Variants in TSHZ3 observed in about 807,000 individuals in gnomAD.
TSHZ3 encodes teashirt homolog 3.
TSHZ3 carries 10 observed loss-of-function variants against 64.5 expected under a neutral mutation model. That is an observed-to-expected ratio of 0.16 (90% CI 0.10 to 0.26). The LOEUF (loss-of-function observed/expected upper bound fraction) is 0.26, where lower values mean the gene tolerates loss of function less well. Ranked by LOEUF, TSHZ3 falls within the 10% of genes least tolerant of loss-of-function variation. TSHZ3 has a pLI of 1.00. For synonymous variants in TSHZ3, 608 were observed against 593.1 expected, an observed-to-expected ratio of 1.03 and a Z score of -0.36; for missense variants, 1,242 against 1,421.7, an observed-to-expected ratio of 0.87 and a Z score of 2.03.
intron 1 of TSHZ3, among the ~76,000 whole-genome samples, chr19:31,285,579 T>C (rs1219562181): frequency 6.7e-6 from 1 of 149,864 alleles, no homozygotes; most frequent in Non-Finnish European, 1.5e-5. Flanking sequence ...GCTCAGGAGA[T>C]TGAGACAACC....
At chr19:31,184,051 C>A (rs1303779294) in intron 5 of TSHZ3, among the ~76,000 whole-genome samples, 2 of 151,874 alleles carry the variant, frequency 1.3e-5, no homozygotes, top group African/African-American at 4.8e-5. Context: ...ATATTATGAC[C>A]GTGATATAGT....
intron 6 of TSHZ3, among the ~76,000 whole-genome samples, chr19:31,154,068 T>C (rs750055834): frequency 2.0e-5 from 3 of 152,180 alleles, no homozygotes; most frequent in Non-Finnish European, 4.4e-5. Flanking sequence ...AGAACTTGCA[T>C]GTTTCTGCTC....
At chr19:31,241,300 C>T (rs1426441866) in intron 3 of TSHZ3, among the ~76,000 whole-genome samples, 1 of 152,134 alleles carries the variant, frequency 6.6e-6, no homozygotes, top group African/African-American at 2.4e-5. Flanking sequence ...CTTGTTGGGG[C>T]TTCAATTTGG....
At chr19:31,209,881 G>A (rs10418419) in intron 4 of TSHZ3, among the ~76,000 whole-genome samples, 95,590 of 151,950 alleles carry the variant, frequency 0.63, 30,330 homozygotes, top group Middle Eastern at 0.72. Context: ...CTGTGGCTGG[G>A]TCTCAGCCAA....
At chr19:31,330,336 G>A (rs1162807456) in intron 1 of TSHZ3, among the ~76,000 whole-genome samples, 1 of 152,200 alleles carries the variant, frequency 6.6e-6, no homozygotes, top group Non-Finnish European at 1.5e-5. Flanking sequence ...GTGGAGCAGT[G>A]AGCTGACCGG....
At position 31,290,623 on chromosome 19, in the gene TSHZ3, C is replaced by T. The variant is rs541249296; in HGVS notation, c.41-10871G>A. Reference sequence around the variant, plus strand: ...CTGGGCACCCGGAGTCACCTAGAGACGCTACCTAGGATGATGGAGGTCATG... The same window carrying T: ...CTGGGCACCCGGAGTCACCTAGAGATGCTACCTAGGATGATGGAGGTCATG... On this transcript the variant is annotated intron_variant, in intron 1 of 1. Transcript: ENST00000240587. 6.6e-5 allele frequency among the ~76,000 whole-genome samples: 10 copies of T among 152,132 alleles called. No individual in the cohort carries two copies. The East Asian group carries it at 1.5e-3, about 24-fold the overall frequency.
intron 3 of TSHZ3, among the ~76,000 whole-genome samples, chr19:31,242,182 T>A (rs1975699715): frequency 6.6e-6 from 1 of 152,160 alleles, no homozygotes; most frequent in African/African-American, 2.4e-5. Flanking sequence ...ACAGCTTTAG[T>A]ATTAGTCAGG....
chr19:31,187,146 C>A (rs1197399891), intron 5 of TSHZ3, among the ~76,000 whole-genome samples: 1 of 152,092 alleles, frequency 6.6e-6, no homozygotes, highest in South Asian at 2.1e-4. Flanking sequence ...ATGACTCTAA[C>A]CTTTGTGGGC....
At chr19:31,186,358 A>T (rs544936635) in intron 5 of TSHZ3, among the ~76,000 whole-genome samples, 11 of 152,250 alleles carry the variant, frequency 7.2e-5, no homozygotes, top group African/African-American at 2.6e-4. Context: ...GGGGGCGGTT[A>T]CCCTCATGCT....
chr19:31,190,778 C>T (rs187736827), intron 5 of TSHZ3, among the ~76,000 whole-genome samples: 15 of 151,812 alleles, frequency 9.9e-5, no homozygotes, highest in Admixed American at 7.9e-4. Context: ...TTTATAGAAG[C>T]CATTATAAAT....
At chr19:31,226,480 G>T (rs2145171997) in intron 4 of TSHZ3, among the ~76,000 whole-genome samples, 1 of 152,206 alleles carries the variant, frequency 6.6e-6, no homozygotes, top group Non-Finnish European at 1.5e-5. Flanking sequence ...TTTGCCTTTT[G>T]CCATGATTGT....
At chr19:31,190,224 C>T (rs968663935) in intron 5 of TSHZ3, among the ~76,000 whole-genome samples, 13 of 152,260 alleles carry the variant, frequency 8.5e-5, no homozygotes, top group African/African-American at 2.9e-4. Context: ...AAGCAATCTA[C>T]GTAGATGTTC....
chr19:31,251,919 T>C (rs1055192457), intron 1 of TSHZ3, among the ~76,000 whole-genome samples: 8 of 152,094 alleles, frequency 5.3e-5, no homozygotes, highest in African/African-American at 1.9e-4. Flanking sequence ...TCAGCAGAGC[T>C]CCCCTCTGCA....
chr19:31,285,142 T>G (rs1243139801), intron 1 of TSHZ3, among the ~76,000 whole-genome samples: 1 of 151,974 alleles, frequency 6.6e-6, no homozygotes, highest in Non-Finnish European at 1.5e-5. Flanking sequence ...TCTCCTTGCA[T>G]TGGAGCCTGC....
intron 1 of TSHZ3, among the ~76,000 whole-genome samples, chr19:31,250,158 C>T (rs1008273131): frequency 3.3e-5 from 5 of 152,216 alleles, no homozygotes; most frequent in African/African-American, 1.2e-4. Flanking sequence ...ATTCTAAGTC[C>T]TCTTAAAAAT....
At chr19:31,320,093 T>A (rs899605506) in intron 1 of TSHZ3, among the ~76,000 whole-genome samples, 3 of 152,180 alleles carry the variant, frequency 2.0e-5, no homozygotes, top group African/African-American at 7.2e-5. Context: ...ACATCTGATC[T>A]ATACAGAAAC....
intron 1 of TSHZ3, among the ~76,000 whole-genome samples, chr19:31,259,313 C>T (rs982855912): frequency 5.9e-5 from 9 of 152,118 alleles, no homozygotes; most frequent in Admixed American, 2.0e-4. Context: ...ATTATATTAG[C>T]GCAATTGCAT....
At chr19:31,331,398 C>T (rs574173293) in intron 1 of TSHZ3, among the ~76,000 whole-genome samples, 6 of 152,196 alleles carry the variant, frequency 3.9e-5, no homozygotes, top group East Asian at 3.9e-4. Flanking sequence ...AGATCTGCTG[C>T]GAATTGCTGT....
At position 31,277,593 on chromosome 19, in the gene TSHZ3, C is replaced by T; in HGVS notation, c.2200G>A (p.Gly734Ser). The part of the protein sequence containing the change: ...ALQSVMNIHL[G>S]KAAKPSLPAL... ...GGCAGGGAGGGCTTGGCGGCCTTGC[C>T]CAGGTGAATGTTCATGACTGACTGC... is the stretch of plus-strand genomic sequence containing the variant. The change falls in exon 2 of 2, where the codon GGC becomes AGC. Residue 734 changes from glycine to serine, a missense_variant. Physicochemically the swap from Gly to Ser is moderately conservative, Grantham distance 56 (BLOSUM62 0). Transcript: ENST00000240587. The surrounding 1 kb of genome is among the most constrained non-coding windows in gnomAD (Gnocchi z 4.5). 6.3e-7 allele frequency: 1 copy of T among 1,593,004 alleles called. No homozygotes were observed. Among genetic ancestry groups the T allele is most frequent in the Non-Finnish European group, 8.6e-7 (1 of 1,169,410 alleles).
Sources: allele counts gnomAD v4.1 joint callset (sites outside exome capture counted in the v4.1 genomes callset), GRCh38; gene constraint gnomAD v4.1.1; non-coding constraint Gnocchi (gnomAD v3.1); transcripts MANE v1.5; gene names NCBI Gene and HGNC (gene_info 2026-07-23, HGNC 2026-07-21).